The following NAALADL2 variants were observed in gnomAD, a reference collection of about 807,000 sequenced individuals.
NAALADL2 encodes inactive N-acetylated-alpha-linked acidic dipeptidase-like protein 2.
In NAALADL2, 76 loss-of-function variants were observed where a neutral mutation model predicts 87.2. The observed-to-expected ratio is 0.87, with a 90% confidence interval of 0.72 to 1.05. The LOEUF (loss-of-function observed/expected upper bound fraction) is 1.05, where lower values mean the gene tolerates loss of function less well. Ranked by LOEUF, NAALADL2 falls within the 50% of genes least tolerant of loss-of-function variation. The pLI is 0.00. For missense variants in NAALADL2, 1,089 were observed against 945.8 expected (o/e 1.15, Z -1.99); for synonymous variants, 354 against 331.0 (o/e 1.07, Z -0.75).
chr3:174,676,055 C>A (rs112239882), intron 2 of NAALADL2, among the ~76,000 whole-genome samples: 10 of 152,116 alleles, frequency 6.6e-5, no homozygotes, highest in African/African-American at 2.4e-4. Flanking sequence ...AGAAAATTGT[C>A]ATCTAATTAT....
intron 1 of NAALADL2, among the ~76,000 whole-genome samples, chr3:175,083,920 T>G (rs778848079): frequency 3.9e-5 from 6 of 152,150 alleles, no homozygotes; most frequent in Non-Finnish European, 7.4e-5. Context: ...AGATAAAAGA[T>G]AACTCAACAA....
At chr3:175,064,596 T>C (rs1046801107) in intron 1 of NAALADL2, among the ~76,000 whole-genome samples, 6 of 152,174 alleles carry the variant, frequency 3.9e-5, no homozygotes, top group African/African-American at 4.8e-5. Context: ...CTGTGACTTA[T>C]CAGGGAGGAA....
At chr3:174,481,792 T>C (rs1407116047) in intron 1 of NAALADL2, among the ~76,000 whole-genome samples, 1 of 152,096 alleles carries the variant, frequency 6.6e-6, no homozygotes, top group Non-Finnish European at 1.5e-5. Flanking sequence ...TTTTAATTTC[T>C]CTTATAATGA....
intron 3 of NAALADL2, among the ~76,000 whole-genome samples, chr3:174,763,526 G>T (rs1400039412): frequency 7.5e-6 from 1 of 134,162 alleles, no homozygotes; most frequent in Non-Finnish European, 1.5e-5. Context: ...GGTAGAGGTT[G>T]CAGTGAACCG....
Position 175,096,979 on chromosome 3 carries a change from A to C in NAALADL2, c.233A>C (p.Glu78Ala), listed in dbSNP as rs779848968. 1.2e-6 allele frequency: 2 copies of C among 1,613,450 alleles called. No individual in the cohort carries two copies. Among genetic ancestry groups the C allele is most frequent in the Non-Finnish European group, 1.7e-6 (2 of 1,179,646 alleles). ...GAENQNLGHSETIDLNLDSIQ... is the reference protein window; with the variant it reads ...GAENQNLGHSATIDLNLDSIQ... Reference sequence around the variant, plus strand: ...GAGAATCAGAACCTAGGGCATTCAGAGACTATAGACCTCAATCTTGATTCC... The same window carrying C: ...GAGAATCAGAACCTAGGGCATTCAGCGACTATAGACCTCAATCTTGATTCC... Residue 78 changes from glutamate to alanine, a missense_variant, in exon 2 of 14, where the codon GAG becomes GCG. By Grantham distance (107) the Glu-to-Ala change is moderately radical. Coordinates refer to ENST00000454872, the MANE Select transcript of NAALADL2 (RefSeq NM_207015.3).
intron 2 of NAALADL2, among the ~76,000 whole-genome samples, chr3:174,636,865 C>A (rs1366890654): frequency 6.6e-6 from 1 of 152,166 alleles, no homozygotes; most frequent in East Asian, 1.9e-4. Flanking sequence ...GACATACCTG[C>A]ATTCCCATGT....
intron 5 of NAALADL2, among the ~76,000 whole-genome samples, chr3:175,359,132 T>C (rs1764702129): frequency 6.6e-6 from 1 of 152,048 alleles, no homozygotes; most frequent in Non-Finnish European, 1.5e-5. Flanking sequence ...CCAGCAGTTA[T>C]TGCACAATCT....
intron 11 of NAALADL2, among the ~76,000 whole-genome samples, chr3:175,632,364 G>A (rs1380115021): frequency 1.3e-5 from 2 of 150,542 alleles, no homozygotes; most frequent in Non-Finnish European, 3.0e-5. Flanking sequence ...TGCCAAGATT[G>A]TAAGTTTCCT....
At chr3:175,115,971 C>T (rs1302094574) in intron 2 of NAALADL2, among the ~76,000 whole-genome samples, 1 of 151,746 alleles carries the variant, frequency 6.6e-6, no homozygotes. Flanking sequence ...GTAAACTGAA[C>T]CAAAGACAAA....
intron 2 of NAALADL2, among the ~76,000 whole-genome samples, chr3:174,657,039 T>C (rs1307725313): frequency 2.1e-5 from 3 of 141,178 alleles, no homozygotes; most frequent in African/African-American, 8.9e-5. Flanking sequence ...CTTTTCCTTC[T>C]TCTTTTTTTT....
At chr3:174,573,323 A>G (rs1715145483) in intron 2 of NAALADL2, among the ~76,000 whole-genome samples, 1 of 152,096 alleles carries the variant, frequency 6.6e-6, no homozygotes, top group Admixed American at 6.6e-5. Context: ...GCTGGAGTAC[A>G]GTGGCACAGT....
In NAALADL2 at chr3:175,799,164, C is replaced by T. The variant is rs922711073; in HGVS notation, c.2190-3841C>T. Reference sequence around the variant, plus strand: ...TATCGATTGTACTCTCTCTTAAATTCTGGAAATATGTTTGCCATTTAATGA... The same window carrying T: ...TATCGATTGTACTCTCTCTTAAATTTTGGAAATATGTTTGCCATTTAATGA... On this transcript the variant is annotated intron_variant, in intron 13 of 13. Coordinates refer to ENST00000454872, the MANE Select transcript of NAALADL2 (RefSeq NM_207015.3). 2.0e-5 allele frequency among the ~76,000 whole-genome samples: 3 copies of T among 151,886 alleles called. No individual in the cohort carries two copies. The East Asian group carries it at 5.8e-4, about 29-fold the overall frequency.
intron 9 of NAALADL2, among the ~76,000 whole-genome samples, chr3:175,570,634 A>C (rs1315304066): frequency 1.3e-5 from 2 of 152,128 alleles, no homozygotes; most frequent in Non-Finnish European, 2.9e-5. Flanking sequence ...TAGTCCCAGC[A>C]CTTTGGGAAG....
chr3:174,879,073 A>G (rs1028894129), intron 1 of NAALADL2, among the ~76,000 whole-genome samples: 1 of 152,030 alleles, frequency 6.6e-6, no homozygotes. Flanking sequence ...ACAACATTGT[A>G]TTTTTCAAGG....
chr3:174,566,212 CAAT>C (rs1036273578), intron 2 of NAALADL2, among the ~76,000 whole-genome samples: 1 of 151,832 alleles, frequency 6.6e-6, no homozygotes, highest in African/African-American at 2.4e-5. Flanking sequence ...TTTCATTTTT[CAAT>C]AAAATCCCTA....
chr3:174,899,095 AG>A (rs1161865488), intron 1 of NAALADL2, among the ~76,000 whole-genome samples: 3 of 152,236 alleles, frequency 2.0e-5, no homozygotes, highest in Non-Finnish European at 4.4e-5. Flanking sequence ...TTTACAAAAA[AG>A]ATGCAAACTA....
At chr3:175,525,971 CA>C (rs2149432260) in intron 9 of NAALADL2, among the ~76,000 whole-genome samples, 1 of 152,272 alleles carries the variant, frequency 6.6e-6, no homozygotes. Flanking sequence ...AAAGTACTTC[CA>C]AGATCCCTGG....
rs902769358 is a variant in NAALADL2 at position 175,377,551 on chromosome 3, G to A, written c.1090+53226G>A. The stretch of plus-strand genomic sequence containing the variant: ...AATGTTATTGATGGGGACGGGGGCA[G>A]AGAAATTCTAGGCAGACAGGGGCCA... On this transcript the variant is annotated intron_variant, in intron 5 of 13. Coordinates refer to ENST00000454872, the MANE Select transcript of NAALADL2 (RefSeq NM_207015.3). 5.3e-5 allele frequency among the ~76,000 whole-genome samples: 8 copies of A among 152,300 alleles called. 1 individual carries two copies. The highest frequency in any genetic ancestry group is 1.4e-4 in the African/African-American group (6 of 41,576).
At chr3:174,829,589 T>A (rs1447755223) in intron 3 of NAALADL2, among the ~76,000 whole-genome samples, 1 of 141,864 alleles carries the variant, frequency 7.0e-6, no homozygotes, top group East Asian at 2.0e-4. Flanking sequence ...TGTGCATGTG[T>A]CTTTATAGCA....
Sources: allele counts gnomAD v4.1 joint callset (sites outside exome capture counted in the v4.1 genomes callset), GRCh38; gene constraint gnomAD v4.1.1; transcripts MANE v1.5; gene names NCBI Gene and HGNC (gene_info 2026-07-23, HGNC 2026-07-21).